FAM184A: variants seen among roughly 807,000 people sequenced by gnomAD.
The protein encoded by FAM184A is family with sequence similarity 184 member A.
FAM184A carries 99 observed loss-of-function variants against 143.8 expected under a neutral mutation model. The observed-to-expected ratio is 0.69, with a 90% CI of 0.58 to 0.81. The LOEUF (loss-of-function observed/expected upper bound fraction) is 0.81, where lower values mean the gene tolerates loss of function less well. FAM184A is among the 40% of genes least tolerant of loss of function. The pLI, the probability that FAM184A is intolerant of heterozygous loss-of-function variation, is 0.00. For missense variants in FAM184A, 1,217 were observed against 1,310.5 expected (o/e 0.93, Z 1.10); for synonymous variants, 427 against 446.4 (o/e 0.96, Z 0.55).
chr6:119,006,005 T>C, intron 7 of FAM184A: 1 of 695,434 alleles, frequency 1.4e-6, no homozygotes, highest in Non-Finnish European at 2.7e-6. Flanking sequence ...TACCTCAGAA[T>C]GTGACTTTAT....
intron 11 of FAM184A, among the ~76,000 whole-genome samples, chr6:118,977,145 C>T (rs576464567): frequency 2.0e-4 from 30 of 152,292 alleles, no homozygotes; most frequent in African/African-American, 6.7e-4. Flanking sequence ...CTCAGGTGAT[C>T]TTTAACGGGC....
chr6:119,015,752 C>T (rs950253652), intron 5 of FAM184A, among the ~76,000 whole-genome samples: 6 of 152,244 alleles, frequency 3.9e-5, no homozygotes, highest in Non-Finnish European at 5.9e-5. Flanking sequence ...CCTGCAGCCC[C>T]GGTGCGGGAT....
chr6:119,001,662 G>A (rs938832296), intron 9 of FAM184A, among the ~76,000 whole-genome samples: 7 of 152,144 alleles, frequency 4.6e-5, no homozygotes, highest in South Asian at 2.1e-4. Flanking sequence ...ATAGAAAATC[G>A]GCAGGAGAAG....
intron 1 of FAM184A, among the ~76,000 whole-genome samples, chr6:119,115,862 G>A (rs572001192): frequency 2.0e-5 from 3 of 151,992 alleles, no homozygotes; most frequent in Admixed American, 6.5e-5. Context: ...CCAGCTACTC[G>A]GGAGGCTGAG....
At chr6:119,147,989 G>A (rs1404546943) in intron 1 of FAM184A, among the ~76,000 whole-genome samples, 1 of 152,200 alleles carries the variant, frequency 6.6e-6, no homozygotes, top group Non-Finnish European at 1.5e-5. Context: ...CAACTTCATT[G>A]CTATAGCAAG....
intron 8 of FAM184A, 30 bp downstream of exon 8, chr6:119,003,471 A>G: frequency 6.3e-7 from 1 of 1,598,156 alleles, no homozygotes; most frequent in Non-Finnish European, 8.5e-7. Context: ...GCATGTCTTT[A>G]TTGATAAGAT....
Position 119,006,496 on chromosome 6 carries a change from A to G in FAM184A, c.1766T>C (p.Leu589Ser). ...SQERLQNELD[L>S]TKDSLKETKD... ...GGTCTCCTTTAGGCTGTCTTTAGTC[A>G]AGTCAAGCTCATTCTGAAGCCTTTC... is the stretch of plus-strand genomic sequence containing the variant. Residue 589 changes from leucine to serine, a missense_variant, in exon 7 of 18, where the codon TTG becomes TCG. Leu to Ser is a moderately radical substitution (Grantham distance 145). Coordinates refer to ENST00000338891, the MANE Select transcript of FAM184A (RefSeq NM_024581.6). 1.9e-6 allele frequency: 3 copies of G among 1,614,040 alleles called. No individual in the cohort carries two copies. The highest frequency in any genetic ancestry group is 1.1e-5 in the South Asian group (1 of 91,066).
Position 118,960,081 on chromosome 6 carries a change from G to A in FAM184A, c.*22C>T. 1.3e-6 allele frequency: 2 copies of A among 1,591,144 alleles called. No individual in the cohort carries two copies. The highest frequency in any genetic ancestry group is 1.7e-6 in the Non-Finnish European group (2 of 1,159,840). ...CATGCTCTTAGTAACAGTCTATACA[G>A]AGCTGTGCCAACACAATTCTTTCAG... On this transcript the variant is annotated 3_prime_UTR_variant, in exon 18 of 18. Transcript: ENST00000338891.
At chr6:119,122,924 GAAAAAAAAAAAAAAAAAAAAAAAAAAAAA>G (rs766414096) in intron 1 of FAM184A, among the ~76,000 whole-genome samples, 2 of 29,030 alleles carry the variant, frequency 6.9e-5, no homozygotes, top group African/African-American at 1.3e-4. Context: ...GACCCTGTCT[GAAAAAAAAAAAAAAAAAAAAAAAAAAAAA>G]AAAAAAAAAA....
In FAM184A at chr6:119,024,045, G is replaced by C. The variant is rs773761527; in HGVS notation, c.928C>G (p.Gln310Glu). 1 of 1,613,968 alleles carries C rather than the reference G, an allele frequency of 6.2e-7. No individual in the cohort carries two copies. The highest frequency in any genetic ancestry group is 1.3e-5 in the African/African-American group (1 of 74,900). Residue 310 changes from glutamine (Q) to glutamate (E), a missense_variant, in exon 2 of 18, where the codon CAG becomes GAG. Coordinates refer to ENST00000338891, the MANE Select transcript of FAM184A (RefSeq NM_024581.6). Reference protein sequence around the residue: ...KTIGKLKTELQMVQDEAGSLL... With the variant: ...KTIGKLKTELEMVQDEAGSLL... ...CTTCCAGCTTCATCCTGTACCATCT[G>C]TAACTCTGTCTTTAATTTTCCTATA... is the stretch of plus-strand genomic sequence containing the variant.
intron 1 of FAM184A, among the ~76,000 whole-genome samples, chr6:119,118,356 A>G (rs1353040918): frequency 6.6e-6 from 1 of 152,242 alleles, no homozygotes; most frequent in African/African-American, 2.4e-5. Context: ...TTAGAATAAT[A>G]CTTAGCTCAT....
chr6:119,023,850 T>G (rs999494693), intron 2 of FAM184A, 109 bp downstream of exon 2: 21 of 663,988 alleles, frequency 3.2e-5, no homozygotes, highest in Admixed American at 6.8e-5. Context: ...AAAGTCTAAG[T>G]GGTGTGAAGC....
intron 1 of FAM184A, among the ~76,000 whole-genome samples, chr6:119,109,543 G>A (rs1788876016): frequency 6.6e-6 from 1 of 152,094 alleles, no homozygotes; most frequent in Non-Finnish European, 1.5e-5. Context: ...GAATACTTTA[G>A]CTATGTATAC....
rs202153281 is a variant in FAM184A at position 119,089,028 on chromosome 6, GTT to G, written c.-202+60048_-202+60049del. On this transcript the variant is annotated intron_variant, in intron 1 of 16. Transcript: ENST00000352896. Reference sequence around the variant, plus strand: ...TGAGTATTTCTTATATCTCTCTCATGTTACATGTTGAATTATTTAATATTTTC... The same window carrying G: ...TGAGTATTTCTTATATCTCTCTCATGACATGTTGAATTATTTAATATTTTC... 8.9e-3 allele frequency among the ~76,000 whole-genome samples: 1,353 copies of G among 151,716 alleles called. 22 individuals carry two copies. The highest frequency in any genetic ancestry group is 0.054 in the Middle Eastern group (16 of 294).
intron 4 of FAM184A, among the ~76,000 whole-genome samples, chr6:119,018,049 T>C (rs1785323055): frequency 6.6e-6 from 1 of 152,180 alleles, no homozygotes; most frequent in African/African-American, 2.4e-5. Flanking sequence ...GCAAGCCAAA[T>C]ATCCGTCTTC....
chr6:119,042,714 T>A (rs971919363), intron 1 of FAM184A, among the ~76,000 whole-genome samples: 1 of 152,212 alleles, frequency 6.6e-6, no homozygotes, highest in African/African-American at 2.4e-5. Context: ...GAACAAATCC[T>A]AATGTAAACC....
chr6:118,966,108 A>C lies in FAM184A; in HGVS notation c.3033+727T>G, dbSNP rs181313744. 1.2e-4 allele frequency among the ~76,000 whole-genome samples: 18 copies of C among 152,268 alleles called. No homozygotes were observed. In the East Asian group the frequency reaches 3.3e-3, roughly 28 times the overall value. ...CTCAGACAACAGGCTGCCTCTCCTAAATGCAAACAGAGATGCATTAAGGAA... is the reference window on the plus strand; with the variant it reads ...CTCAGACAACAGGCTGCCTCTCCTACATGCAAACAGAGATGCATTAAGGAA... On this transcript the variant is annotated intron_variant, in intron 15 of 17. Transcript: ENST00000338891.
At position 118,974,514 on chromosome 6, in the gene FAM184A, G is replaced by T. The variant is rs1169427897; in HGVS notation, c.2829C>A (p.Asp943Glu). 2.5e-6 allele frequency: 4 copies of T among 1,611,950 alleles called. No individual in the cohort carries two copies. The highest frequency in any genetic ancestry group is 2.5e-6 in the Non-Finnish European group (3 of 1,178,808). Reference sequence around the variant, plus strand: ...GCATGATATTTTTCTCTCTGAGGTGGTCTGCTGTCATGACATCCAACTCTT... The same window carrying T: ...GCATGATATTTTTCTCTCTGAGGTGTTCTGCTGTCATGACATCCAACTCTT... ...LEKELDVMTA[D>E]HLREKNIMRA... Residue 943 changes from aspartate to glutamate, a missense_variant, in exon 14 of 18, where the codon GAC becomes GAA. Transcript: ENST00000338891.
chr6:119,029,280 T>C (rs1274457329), intron 1 of FAM184A, among the ~76,000 whole-genome samples: 3 of 152,246 alleles, frequency 2.0e-5, no homozygotes, highest in Non-Finnish European at 4.4e-5. Flanking sequence ...CCTGGTGGAA[T>C]TCATATTTTG....
Sources: allele counts gnomAD v4.1 joint callset (sites outside exome capture counted in the v4.1 genomes callset), GRCh38; gene constraint gnomAD v4.1.1; transcripts MANE v1.5; gene names NCBI Gene and HGNC (gene_info 2026-07-23, HGNC 2026-07-21).